RBM8A: variants seen among roughly 807,000 people sequenced by gnomAD.
RBM8A encodes the protein RNA-binding protein 8A.
RBM8A carries 8 observed loss-of-function variants against 25.1 expected under a neutral mutation model. That is an observed-to-expected ratio of 0.32 (90% confidence interval 0.19 to 0.58). The LOEUF (loss-of-function observed/expected upper bound fraction) is 0.58, where lower values mean the gene tolerates loss of function less well. Among genes scored for constraint, RBM8A ranks in the 20% least tolerant of loss-of-function variants. The pLI is 0.88. For missense variants in RBM8A, 114 were observed against 236.8 expected (o/e 0.48, Z 3.40); for synonymous variants, 66 against 80.0 (o/e 0.82, Z 0.94).
At chr1:145,925,972 A>T in intron 5 of RBM8A, 45 bp from the exon 6 acceptor site, 13 of 1,613,968 alleles carry the variant, frequency 8.1e-6, no homozygotes, top group Non-Finnish European at 1.0e-5. Flanking sequence ...GAGGGACATA[A>T]TACTAAGTCC....
rs1648095487 is a variant in RBM8A at position 145,925,510 on chromosome 1, G to A, written c.*372C>T. 1 of 347,678 alleles carries A rather than the reference G, an allele frequency of 2.9e-6. No individual in the cohort carries two copies. Among genetic ancestry groups the A allele is most frequent in the Non-Finnish European group, 5.6e-6 (1 of 178,926 alleles). 21.5% of individuals were successfully genotyped at this position (347,678 alleles called of 1,614,324 possible). A position where few individuals can be genotyped will look rare whatever the true frequency, so the allele number is the denominator to read the frequency against. ...AATCCCAACTACTAGGGACAGTGAGGCAGAAGGATGGCTTGAGCCCAAGAG... is the reference window on the plus strand; with the variant it reads ...AATCCCAACTACTAGGGACAGTGAGACAGAAGGATGGCTTGAGCCCAAGAG... On this transcript the variant is annotated 3_prime_UTR_variant, in exon 6 of 6. Transcript: ENST00000583313.
rs1182537508 is a variant in RBM8A at position 145,921,569 on chromosome 1, C to G, written c.*4313G>C. On this transcript the variant is annotated 3_prime_UTR_variant, in exon 6 of 6. Transcript: ENST00000583313. ...GACATAACCAAATTTGTGTTTTTTACTGACTTTATTGTCGAATGAGTGTTA... is the reference window on the plus strand; with the variant it reads ...GACATAACCAAATTTGTGTTTTTTAGTGACTTTATTGTCGAATGAGTGTTA... 2 of 152,284 alleles carry G rather than the reference C, an allele frequency of 1.3e-5. No homozygotes were observed. The highest frequency in any genetic ancestry group is 2.9e-5 in the Non-Finnish European group (2 of 68,070). 9.4% of individuals were successfully genotyped at this position (152,284 alleles called of 1,614,324 possible).
Position 145,925,889 on chromosome 1 carries a change from C to T in RBM8A, c.518G>A (p.Arg173His), listed in dbSNP as rs368052749. The change falls in exon 6 of 6, where the codon CGT (arginine) becomes CAT (histidine). Residue 173 changes from arginine (R) to histidine (H), a missense_variant. This residue lies in a region of RBM8A where 102 missense variants were observed against 182.7 expected (regional missense o/e 0.56). Coordinates refer to ENST00000583313, the MANE Select transcript of RBM8A (RefSeq NM_005105.5). The stretch of plus-strand genomic sequence containing the variant: ...TGGACAACAGAGGACCTGTCAGCGA[C>T]GTCTCCGGTCTGGACTTCTGCTGCG... The part of the protein sequence containing the change: ...RRRSRSPDRR[R>H]R The T allele has an allele frequency of 1.2e-6, 2 of 1,613,820 alleles. No individual in the cohort carries two copies. The highest frequency in any genetic ancestry group is 1.3e-5 in the African/African-American group (1 of 75,050).
At position 145,923,815 on chromosome 1, in the gene RBM8A, A is replaced by G. The variant is rs1330638412; in HGVS notation, c.*2067T>C. ...TTTCTTTTTCCACAAAATAACAGAC[A>G]TACCAGGAAAATCATTTCAGCTAAA... On this transcript the variant is annotated 3_prime_UTR_variant, in exon 6 of 6. Coordinates refer to ENST00000583313, the MANE Select transcript of RBM8A (RefSeq NM_005105.5). The G allele has an allele frequency of 3.7e-6, 2 of 541,888 alleles. No homozygotes were observed. The highest frequency in any genetic ancestry group is 3.7e-5 in the African/African-American group (2 of 53,360). 33.6% of individuals were successfully genotyped at this position (541,888 alleles called of 1,614,324 possible).
chr1:145,924,560 G>T lies in RBM8A; in HGVS notation c.*1322C>A. The T allele has an allele frequency of 2.7e-6, 1 of 367,878 alleles. No individual in the cohort carries two copies. The highest frequency in any genetic ancestry group is 5.5e-6 in the Non-Finnish European group (1 of 181,516). 22.8% of individuals were successfully genotyped at this position (367,878 alleles called of 1,614,324 possible). On this transcript the variant is annotated 3_prime_UTR_variant, in exon 6 of 6. Coordinates refer to ENST00000583313, the MANE Select transcript of RBM8A (RefSeq NM_005105.5). ...ATAAACAGCTGAGTTAGCTGGACAA[G>T]GACTAGGGAGGCAATCAGTATTATT...
At position 145,922,150 on chromosome 1, in the gene RBM8A, G is replaced by A. The variant is rs1331941453; in HGVS notation, c.*3732C>T. ...GAGGCACGAGAATTGCTTGAACCTGGGAAGTGGAGGCTGCAGTGAGCCAAG... is the reference window on the plus strand; with the variant it reads ...GAGGCACGAGAATTGCTTGAACCTGAGAAGTGGAGGCTGCAGTGAGCCAAG... On this transcript the variant is annotated 3_prime_UTR_variant, in exon 6 of 6. Transcript: ENST00000583313. 1 of 151,674 alleles carries A rather than the reference G, an allele frequency of 6.6e-6. No homozygotes were observed. The highest frequency in any genetic ancestry group is 2.4e-5 in the African/African-American group (1 of 41,292). 9.4% of individuals were successfully genotyped at this position (151,674 alleles called of 1,614,324 possible). A position where few individuals can be genotyped will look rare whatever the true frequency, so the allele number is the denominator to read the frequency against.
chr1:145,927,091 A>T lies in RBM8A; in HGVS notation c.68-14T>A. On this transcript the variant is annotated splice_polypyrimidine_tract_variant and intron_variant, in intron 1 of 5. Coordinates refer to ENST00000583313, the MANE Select transcript of RBM8A (RefSeq NM_005105.5). ...TGTGAATGCTCTCTGGAACCCCAGA[A>T]GATAAAAGAATAAGTAACTATGACA... is the stretch of plus-strand genomic sequence containing the variant. 1.2e-6 allele frequency: 2 copies of T among 1,611,696 alleles called. No individual in the cohort carries two copies. Among genetic ancestry groups the T allele is most frequent in the South Asian group, 2.2e-5 (2 of 91,036 alleles).
rs1467408352 is a variant in RBM8A at position 145,922,901 on chromosome 1, T to C, written c.*2981A>G. 1.3e-5 allele frequency: 2 copies of C among 151,654 alleles called. No homozygotes were observed. Among genetic ancestry groups the C allele is most frequent in the Non-Finnish European group, 2.9e-5 (2 of 67,940 alleles). 9.4% of individuals were successfully genotyped at this position (151,654 alleles called of 1,614,324 possible). A position where few individuals can be genotyped will look rare whatever the true frequency, so the allele number is the denominator to read the frequency against. ...ATCAAAACAAGGCTGTGGACCAAAC[T>C]ATAAATCCAAGAGCTTTGATTATTA... On this transcript the variant is annotated 3_prime_UTR_variant, in exon 6 of 6. Transcript: ENST00000583313.
chr1:145,924,968 C>T lies in RBM8A; in HGVS notation c.*914G>A. ...GGTATGTGGTACTGGTTCTCCCCCA[C>T]CATGCTAACTGAAGTCCCTCCCAGC... On this transcript the variant is annotated 3_prime_UTR_variant, in exon 6 of 6. Transcript: ENST00000583313. 5 of 296,888 alleles carry T rather than the reference C, an allele frequency of 1.7e-5. No homozygotes were observed. Among genetic ancestry groups the T allele is most frequent in the South Asian group, 1.1e-4 (5 of 46,770 alleles). 18.4% of individuals were successfully genotyped at this position (296,888 alleles called of 1,614,324 possible).
rs782072402 is a variant in RBM8A, at chr1:145,926,999, C to G, written c.127+19G>C. ...TCCTGCCCTACTAGGCCACTCTACC[C>G]CATTTTCCCCACACTCACCGGAGCC... is the stretch of plus-strand genomic sequence containing the variant. On this transcript the variant is annotated intron_variant, in intron 2 of 5. Coordinates refer to ENST00000583313, the MANE Select transcript of RBM8A (RefSeq NM_005105.5). 3 of 1,614,164 alleles carry G rather than the reference C, an allele frequency of 1.9e-6. No individual in the cohort carries two copies. The highest frequency in any genetic ancestry group is 2.5e-6 in the Non-Finnish European group (3 of 1,180,036).
rs1357810870 is a variant in RBM8A, at chr1:145,924,441, C to A, written c.*1441G>T. The A allele has an allele frequency of 2.2e-6, 1 of 446,920 alleles. No homozygotes were observed. The highest frequency in any genetic ancestry group is 4.7e-6 in the Non-Finnish European group (1 of 211,954). The allele number at this position is 446,920 out of a possible 1,614,324, so 27.7% of individuals were successfully genotyped here. A position where few individuals can be genotyped will look rare whatever the true frequency, so the allele number is the denominator to read the frequency against. ...CTAGCATCATTTATTTATCTACCTA[C>A]CTAATAGCTATCTACCAGTCACTAA... On this transcript the variant is annotated 3_prime_UTR_variant, in exon 6 of 6. Transcript: ENST00000583313.
chr1:145,927,199 C>G lies in RBM8A; in HGVS notation c.68-122G>C, dbSNP rs1291853076. ...CCTCCAGTCTTAGTGCCTTCCCGGT[C>G]ACGCCCTCCCTTCTCCTGAAGGGGG... On this transcript the variant is annotated intron_variant, in intron 1 of 5. Transcript: ENST00000583313. 5.4e-6 allele frequency: 8 copies of G among 1,470,678 alleles called. No individual in the cohort carries two copies. The East Asian group carries it at 1.7e-4, about 30-fold the overall frequency. The allele number at this position is 1,470,678 out of a possible 1,614,324, so 91.1% of individuals were successfully genotyped here. A position where few individuals can be genotyped will look rare whatever the true frequency, so the allele number is the denominator to read the frequency against.
In RBM8A at chr1:145,923,806, A is replaced by G. The variant is rs1310261619; in HGVS notation, c.*2076T>C. ...TACACAATATTTCTTTTTCCACAAA[A>G]TAACAGACATACCAGGAAAATCATT... On this transcript the variant is annotated 3_prime_UTR_variant, in exon 6 of 6. Coordinates refer to ENST00000583313, the MANE Select transcript of RBM8A (RefSeq NM_005105.5). 1.9e-6 allele frequency: 1 copy of G among 537,190 alleles called. No individual in the cohort carries two copies. The highest frequency in any genetic ancestry group is 3.3e-6 in the Non-Finnish European group (1 of 303,604). 33.3% of individuals were successfully genotyped at this position (537,190 alleles called of 1,614,324 possible).
rs2101874375 is a variant in RBM8A, at chr1:145,923,846, G to A, written c.*2036C>T. Reference sequence around the variant, plus strand: ...GGAAAATCATTTCAGCTAAAAATATGAGTGAGGTGGTAGAAATATCATCCC... The same window carrying A: ...GGAAAATCATTTCAGCTAAAAATATAAGTGAGGTGGTAGAAATATCATCCC... On this transcript the variant is annotated 3_prime_UTR_variant, in exon 6 of 6. Transcript: ENST00000583313. The A allele has an allele frequency of 1.9e-6, 1 of 534,006 alleles. No homozygotes were observed. The highest frequency in any genetic ancestry group is 3.3e-6 in the Non-Finnish European group (1 of 300,642). The allele number at this position is 534,006 out of a possible 1,614,324, so 33.1% of individuals were successfully genotyped here.
At chr1:145,927,124 G>C (rs376408845) in intron 1 of RBM8A, 47 bp from the exon 2 acceptor site, 11 of 1,598,212 alleles carry the variant, frequency 6.9e-6, no homozygotes, top group Non-Finnish European at 9.4e-6. Context: ...ACAGTCATTT[G>C]TAACAATCGT....
chr1:145,927,121 T>C (rs1648203758), intron 1 of RBM8A, 44 bp from the exon 2 acceptor site: 1 of 1,600,126 alleles, frequency 6.2e-7, no homozygotes, highest in Non-Finnish European at 8.6e-7. Context: ...ATGACAGTCA[T>C]TTGTAACAAT....
chr1:145,922,991 T>G lies in RBM8A; in HGVS notation c.*2891A>C, dbSNP rs1553755170. On this transcript the variant is annotated 3_prime_UTR_variant, in exon 6 of 6. Transcript: ENST00000583313. ...GGCTGGAGTGCAATGGCGCAATCTCTGCTCACTGCAAGCTCCGCCTCCTGG... is the reference window on the plus strand; with the variant it reads ...GGCTGGAGTGCAATGGCGCAATCTCGGCTCACTGCAAGCTCCGCCTCCTGG... 2 of 151,774 alleles carry G rather than the reference T, an allele frequency of 1.3e-5. No homozygotes were observed. Among genetic ancestry groups the G allele is most frequent in the Non-Finnish European group, 2.9e-5 (2 of 67,958 alleles). 9.4% of individuals were successfully genotyped at this position (151,774 alleles called of 1,614,324 possible).
chr1:145,926,254 TAA>T, intron 4 of RBM8A, 77 bp from the exon 5 acceptor site: 1 of 1,572,602 alleles, frequency 6.4e-7, no homozygotes. Context: ...TCCTCAAATC[TAA>T]ACTCAGAAAA....
Position 145,922,326 on chromosome 1 carries a change from T to C in RBM8A, c.*3556A>G, listed in dbSNP as rs1553755085. 6.6e-6 allele frequency: 1 copy of C among 152,188 alleles called. No homozygotes were observed. The highest frequency in any genetic ancestry group is 2.4e-5 in the African/African-American group (1 of 41,432). 9.4% of individuals were successfully genotyped at this position (152,188 alleles called of 1,614,324 possible). ...AAAGAAGCCTGTTGCTACAGTGCCA[T>C]TTACAATTAGGTTTGTTTATATGAA... On this transcript the variant is annotated 3_prime_UTR_variant, in exon 6 of 6. Coordinates refer to ENST00000583313, the MANE Select transcript of RBM8A (RefSeq NM_005105.5).
Sources: gnomAD v4.1 joint callset for allele counts on GRCh38, gnomAD v4.1.1 for gene constraint, gnomAD v4.1.1 regional missense constraint, MANE v1.5 for transcripts, NCBI Gene and HGNC (gene_info 2026-07-23, HGNC 2026-07-21) for gene names.